SGCD: variants seen among roughly 807,000 people sequenced by gnomAD.
SGCD encodes delta-sarcoglycan.
Under a neutral mutation model 36.6 loss-of-function variants are expected in SGCD, and 18 were observed. The ratio of observed to expected loss-of-function variants is 0.49; its 90% CI spans 0.34 to 0.73. SGCD has a LOEUF of 0.73. Among genes scored for constraint, SGCD ranks in the 30% least tolerant of loss-of-function variants. The pLI is 0.01. For synonymous variants in SGCD, 133 were observed against 130.6 expected (o/e 1.02, Z -0.12); for missense variants, 387 against 346.7 (o/e 1.12, Z -0.92).
Position 156,341,359 on chromosome 5 carries a change from A to C in SGCD, c.4-3130A>C, listed in dbSNP as rs762286881. Among the ~76,000 whole-genome samples, 8 of 152,042 alleles carry C rather than the reference A, an allele frequency of 5.3e-5. 1 individual carries two copies. In the South Asian group the frequency reaches 1.5e-3, roughly 28 times the overall value. ...ATTTTATTTTTTTGCTATTTTACAC[A>C]CTAGAGTTTCTTGCAAGACTTTGTC... On this transcript the variant is annotated intron_variant, in intron 2 of 8. Coordinates refer to ENST00000337851, the MANE Select transcript of SGCD (RefSeq NM_000337.6).
At chr5:156,623,255 A>G (rs59205688) in intron 6 of SGCD, among the ~76,000 whole-genome samples, 5,413 of 152,158 alleles carry the variant, frequency 0.036, 318 homozygotes, top group African/African-American at 0.12. Context: ...TTTTAAGGCA[A>G]TGGGGATGCA....
intron 3 of SGCD, among the ~76,000 whole-genome samples, chr5:156,446,956 C>T (rs537759953): frequency 1.3e-5 from 2 of 152,256 alleles, no homozygotes; most frequent in African/African-American, 2.4e-5. Flanking sequence ...CAAATAGTGG[C>T]AAACCTAGAG....
At chr5:155,971,410 G>A (rs1019186061) in intron 1 of SGCD, among the ~76,000 whole-genome samples, 1 of 152,086 alleles carries the variant, frequency 6.6e-6, no homozygotes, top group East Asian at 1.9e-4. Context: ...AATGCTAACA[G>A]CAGTACCACC....
At chr5:156,589,151 C>A in intron 4 of SGCD, 80 bp from the exon 5 acceptor site, 1 of 1,048,722 alleles carries the variant, frequency 9.5e-7, no homozygotes, top group Non-Finnish European at 1.4e-6. Flanking sequence ...CCATTTCAGC[C>A]CCTTGGAGAG....
chr5:156,453,532 C>A (rs1754119054), intron 3 of SGCD, among the ~76,000 whole-genome samples: 1 of 152,114 alleles, frequency 6.6e-6, no homozygotes, highest in African/African-American at 2.4e-5. Context: ...GTGGATAAAC[C>A]AGTGATGCTC....
intron 3 of SGCD, among the ~76,000 whole-genome samples, chr5:156,446,423 G>A (rs939137980): frequency 3.9e-5 from 6 of 152,080 alleles, no homozygotes; most frequent in African/African-American, 1.4e-4. Context: ...TTTGATGGCT[G>A]AAGAGAACTG....
intron 3 of SGCD, among the ~76,000 whole-genome samples, chr5:156,274,477 T>A (rs563890966): frequency 2.0e-5 from 3 of 151,972 alleles, no homozygotes; most frequent in East Asian, 1.9e-4. Context: ...TTTTAAAAAA[T>A]TTTAGGGCTT....
chr5:156,161,183 AT>A (rs1435677908), intron 3 of SGCD, among the ~76,000 whole-genome samples: 1 of 151,778 alleles, frequency 6.6e-6, no homozygotes, highest in Non-Finnish European at 1.5e-5. Flanking sequence ...GCACGAACAT[AT>A]CAAAGATCGG....
At chr5:156,417,437 G>A (rs1773104085) in intron 3 of SGCD, among the ~76,000 whole-genome samples, 1 of 152,146 alleles carries the variant, frequency 6.6e-6, no homozygotes, top group Non-Finnish European at 1.5e-5. Flanking sequence ...ATTAAAGTTT[G>A]CAAACAATTT....
chr5:155,966,623 G>A (rs1248270676), intron 1 of SGCD, among the ~76,000 whole-genome samples: 1 of 152,196 alleles, frequency 6.6e-6, no homozygotes, highest in South Asian at 2.1e-4. Flanking sequence ...TTTACCAGCT[G>A]TGTGACCTTG....
intron 3 of SGCD, among the ~76,000 whole-genome samples, chr5:156,218,114 A>T (rs1270278915): frequency 6.6e-6 from 1 of 152,156 alleles, no homozygotes; most frequent in East Asian, 1.9e-4. Context: ...TCTCTACTAA[A>T]AATACAAAAA....
chr5:156,598,839 TG>T (rs1241846888), intron 6 of SGCD, among the ~76,000 whole-genome samples: 2 of 152,212 alleles, frequency 1.3e-5, no homozygotes, highest in African/African-American at 4.8e-5. Context: ...TCACTTAGAC[TG>T]AAGACTGGGA....
chr5:156,497,419 C>G (rs541370105), intron 3 of SGCD, among the ~76,000 whole-genome samples: 2 of 152,054 alleles, frequency 1.3e-5, no homozygotes, highest in Non-Finnish European at 2.9e-5. Flanking sequence ...GCAAAGAATT[C>G]CTGTTTATAC....
chr5:156,706,591 T>G (rs1337809431), intron 7 of SGCD, among the ~76,000 whole-genome samples: 1 of 152,120 alleles, frequency 6.6e-6, no homozygotes, highest in East Asian at 1.9e-4. Context: ...AGGGAGCCAT[T>G]TCTTCTTGAA....
chr5:156,603,526 T>C (rs1225604864), intron 6 of SGCD, among the ~76,000 whole-genome samples: 1 of 152,090 alleles, frequency 6.6e-6, no homozygotes, highest in Non-Finnish European at 1.5e-5. Flanking sequence ...ATATAAATCA[T>C]TTTACTTTTT....
chr5:156,696,853 A>C (rs1193066374), intron 7 of SGCD, among the ~76,000 whole-genome samples: 2 of 151,854 alleles, frequency 1.3e-5, no homozygotes, highest in African/African-American at 2.4e-5. Context: ...AAAATTGAAG[A>C]ATCTGATCTA....
rs141201226 is a variant in SGCD, at chr5:156,526,742, A to AT, written c.294+18048dup. 7.4e-3 allele frequency among the ~76,000 whole-genome samples: 1,130 copies of AT among 152,094 alleles called. 82 individuals carry two copies. In the East Asian group the frequency reaches 0.17, roughly 23 times the overall value. ...ACGATAATGTGAACCAGCTGCTTAC[A>AT]TTTTTTTTAAACAGACACATAAACT... is the stretch of plus-strand genomic sequence containing the variant. On this transcript the variant is annotated intron_variant, in intron 4 of 8. Coordinates refer to ENST00000337851, the MANE Select transcript of SGCD (RefSeq NM_000337.6).
At chr5:155,838,660 C>T in the SGCD span, among the ~76,000 whole-genome samples, 2 of 151,020 alleles carry the variant, frequency 1.3e-5, no homozygotes, top group Admixed American at 1.3e-4. Flanking sequence ...CTCACTCTGT[C>T]ATAGGTGTAC....
chr5:156,470,793 A>C lies in SGCD; in HGVS notation c.193-37808A>C, dbSNP rs542297050. The stretch of plus-strand genomic sequence containing the variant: ...ACTCAAATTGTGTTCATCTCTAATA[A>C]TGATAAATGTTGCATTACTGATTTT... On this transcript the variant is annotated intron_variant, in intron 3 of 8. Transcript: ENST00000337851. 2.4e-4 allele frequency among the ~76,000 whole-genome samples: 37 copies of C among 152,332 alleles called. 1 individual carries two copies. In the South Asian group the frequency reaches 6.6e-3, roughly 27 times the overall value.
Sources: allele counts gnomAD v4.1 joint callset (sites outside exome capture counted in the v4.1 genomes callset), GRCh38; gene constraint gnomAD v4.1.1; transcripts MANE v1.5; gene names NCBI Gene and HGNC (gene_info 2026-07-23, HGNC 2026-07-21).